The following ITPR1 variants were observed in gnomAD, a reference collection of about 807,000 sequenced individuals.
The protein encoded by ITPR1 is inositol 1,4,5-trisphosphate receptor type 1.
A neutral mutation model predicts 318.4 loss-of-function variants in ITPR1; 96 were observed. The ratio of observed to expected loss-of-function variants is 0.30; its 90% CI spans 0.26 to 0.36. The LOEUF (loss-of-function observed/expected upper bound fraction) is 0.36. Ranked by LOEUF, ITPR1 falls within the 10% of genes least tolerant of loss-of-function variation. ITPR1 has a pLI of 1.00. For missense variants in ITPR1, 2,440 were observed against 3,460.2 expected (o/e 0.71, Z 7.40); for synonymous variants, 1,312 against 1,289.9 (o/e 1.02, Z -0.37).
rs572106646 is a variant in ITPR1 at position 4,609,652 on chromosome 3, T to C, written c.164-18111T>C. 8.8e-4 allele frequency among the ~76,000 whole-genome samples: 132 copies of C among 150,628 alleles called. 5 individuals are homozygous for C. Among genetic ancestry groups the C allele is most frequent in the South Asian group, 2.1e-4 (1 of 4,774 alleles). ...CAGGGCTGGGTCACAACGTATTCAA[T>C]GGAGAACATGGAGGGATGGAATGGG... On this transcript the variant is annotated intron_variant, in intron 4 of 61. Transcript: ENST00000649015.
At chr3:4,614,019 G>A (rs963495547) in intron 4 of ITPR1, among the ~76,000 whole-genome samples, 3 of 152,104 alleles carry the variant, frequency 2.0e-5, no homozygotes, top group East Asian at 1.9e-4. Flanking sequence ...CTCTAGTTGC[G>A]CCTGTTTTTG....
chr3:4,622,235 C>T (rs1575764442), intron 4 of ITPR1, among the ~76,000 whole-genome samples: 1 of 151,542 alleles, frequency 6.6e-6, no homozygotes, highest in East Asian at 1.9e-4. Context: ...CTGCCTCAGC[C>T]TCCTGAGTAG....
intron 61 of ITPR1, among the ~76,000 whole-genome samples, chr3:4,841,172 C>T (rs1194970607): frequency 6.6e-6 from 1 of 152,146 alleles, no homozygotes; most frequent in African/African-American, 2.4e-5. Context: ...CCCTCTAGAT[C>T]CAGGATCTAG....
chr3:4,557,508 T>C (rs1377069111), intron 4 of ITPR1, among the ~76,000 whole-genome samples: 2 of 152,140 alleles, frequency 1.3e-5, no homozygotes, highest in Non-Finnish European at 2.9e-5. Flanking sequence ...TTTTTGTTTT[T>C]GCTATGTTGA....
intron 4 of ITPR1, among the ~76,000 whole-genome samples, chr3:4,553,956 G>A (rs2085853890): frequency 6.7e-6 from 1 of 149,066 alleles, no homozygotes; most frequent in African/African-American, 2.5e-5. Flanking sequence ...GCCCAGGCTG[G>A]TCTTGAAAAC....
chr3:4,807,408 G>A (rs1455187369), intron 55 of ITPR1, among the ~76,000 whole-genome samples: 6 of 152,108 alleles, frequency 3.9e-5, no homozygotes, highest in South Asian at 2.1e-4. Flanking sequence ...TGCTCCCTTC[G>A]CTTAACGTAC....
rs1435744537 is a variant in ITPR1 at position 4,727,180 on chromosome 3, A to G, written c.5220+7A>G. On this transcript the variant is annotated splice_region_variant and intron_variant, in intron 42 of 61. Transcript: ENST00000649015. ...GCTGGAAGACCATAAAAGGGTACGTAGTCTTGAGTCTTGGGTATCGGGAGC... is the reference window on the plus strand; with the variant it reads ...GCTGGAAGACCATAAAAGGGTACGTGGTCTTGAGTCTTGGGTATCGGGAGC... 13 of 1,586,216 alleles carry G rather than the reference A, an allele frequency of 8.2e-6. No individual in the cohort carries two copies. Among genetic ancestry groups the G allele is most frequent in the Non-Finnish European group, 1.1e-5 (13 of 1,170,880 alleles).
chr3:4,601,911 A>G (rs1410608416), intron 4 of ITPR1, among the ~76,000 whole-genome samples: 2 of 152,256 alleles, frequency 1.3e-5, no homozygotes, highest in African/African-American at 2.4e-5. Flanking sequence ...CGTTTCTCCA[A>G]AGAAAACATA....
intron 44 of ITPR1, among the ~76,000 whole-genome samples, chr3:4,744,893 C>T (rs1046654391): frequency 4.5e-4 from 52 of 115,210 alleles, no homozygotes; most frequent in Admixed American, 1.0e-3. Flanking sequence ...TCTCTGTCTC[C>T]CTCCCTCCTT....
At chr3:4,831,571 T>A (rs1214437815) in intron 60 of ITPR1, among the ~76,000 whole-genome samples, 2 of 151,190 alleles carry the variant, frequency 1.3e-5, no homozygotes, top group African/African-American at 4.9e-5. Context: ...CCCAACCGCA[T>A]ATACACACAC....
rs373694009 is a variant in ITPR1, at chr3:4,670,833, G to C, written c.2111G>C (p.Ser704Thr). 3.2e-4 allele frequency: 512 copies of C among 1,610,676 alleles called. No individual in the cohort carries two copies. The highest frequency in any genetic ancestry group is 3.9e-4 in the Non-Finnish European group (464 of 1,178,530). ...EEEVWLFWRD[S>T]NKEIRSKSVR... is the part of the protein sequence containing the mutation. ...GAGGTGTGGCTGTTTTGGAGGGACA[G>C]CAACAAAGAGATTCGCAGCAAGAGT... The change falls in exon 20 of 62, where the codon AGC becomes ACC. Residue 704 changes from serine to threonine, a missense_variant. Physicochemically the swap from Ser to Thr is moderately conservative, Grantham distance 58 (BLOSUM62 1). This residue lies in a region of ITPR1 where 478 missense variants were observed against 696.3 expected (regional missense o/e 0.69). Transcript: ENST00000649015.
At chr3:4,811,048 C>G (rs1229205817) in intron 55 of ITPR1, among the ~76,000 whole-genome samples, 3 of 152,192 alleles carry the variant, frequency 2.0e-5, no homozygotes, top group African/African-American at 7.2e-5. Context: ...CTTGAAGTTG[C>G]TATTGTTTCC....
At chr3:4,496,364 T>C (rs1219878256) in intron 2 of ITPR1, among the ~76,000 whole-genome samples, 4 of 152,166 alleles carry the variant, frequency 2.6e-5, no homozygotes, top group African/African-American at 7.2e-5. Flanking sequence ...AAGTACAATC[T>C]GCTCTTTGAA....
intron 30 of ITPR1, among the ~76,000 whole-genome samples, chr3:4,686,861 T>C (rs2094403790): frequency 6.6e-6 from 1 of 152,258 alleles, no homozygotes; most frequent in Non-Finnish European, 1.5e-5. Flanking sequence ...GTTACAGCTG[T>C]CAACCAGCAG....
At chr3:4,702,684 C>T (rs2094680881) in intron 35 of ITPR1, 146 bp from the exon 36 acceptor site, 1 of 839,504 alleles carries the variant, frequency 1.2e-6, no homozygotes, top group Non-Finnish European at 1.9e-6. Flanking sequence ...CCCTCTCACC[C>T]TTGCCTCAGG....
At chr3:4,807,301 T>G (rs899338137) in intron 55 of ITPR1, among the ~76,000 whole-genome samples, 3 of 152,190 alleles carry the variant, frequency 2.0e-5, no homozygotes, top group African/African-American at 7.2e-5. Flanking sequence ...TTTCTTAAAG[T>G]GAACTGAGGA....
At chr3:4,617,428 A>G (rs1474457718) in intron 4 of ITPR1, among the ~76,000 whole-genome samples, 1 of 152,112 alleles carries the variant, frequency 6.6e-6, no homozygotes, top group African/African-American at 2.4e-5. Context: ...CATAGGGCAG[A>G]AGGACAAAAG....
intron 4 of ITPR1, among the ~76,000 whole-genome samples, chr3:4,553,271 A>G (rs1044226071): frequency 2.6e-5 from 4 of 152,128 alleles, no homozygotes; most frequent in Non-Finnish European, 4.4e-5. Flanking sequence ...ACATTTTTCT[A>G]CAGTGAATTA....
At chr3:4,634,359 A>T (rs549885340) in intron 5 of ITPR1, among the ~76,000 whole-genome samples, 1 of 152,092 alleles carries the variant, frequency 6.6e-6, no homozygotes, top group Non-Finnish European at 1.5e-5. Context: ...CCACAGGCAC[A>T]CACCACCATG....
Sources: allele counts gnomAD v4.1 joint callset (sites outside exome capture counted in the v4.1 genomes callset), GRCh38; gene constraint gnomAD v4.1.1; regional missense constraint gnomAD v4.1.1; transcripts MANE v1.5; gene names NCBI Gene and HGNC (gene_info 2026-07-23, HGNC 2026-07-21).